RANBP2: variants seen among roughly 807,000 people sequenced by gnomAD.
RANBP2 encodes the protein RAN binding protein 2, also known as E3 SUMO-protein ligase RanBP2.
Under a neutral mutation model 303.6 loss-of-function variants are expected in RANBP2, and 57 were observed. The ratio of observed to expected loss-of-function variants is 0.19; its 90% CI spans 0.15 to 0.23. The LOEUF is 0.23. RANBP2 is among the 10% of genes least tolerant of loss of function. The probability of loss-of-function intolerance (pLI) is 1.00; values close to 1 mark genes in which losing one functional copy is unlikely to be tolerated. For missense variants in RANBP2, 3,138 were observed against 3,780.8 expected (o/e 0.83, Z 4.46); for synonymous variants, 1,167 against 1,301.5 (o/e 0.90, Z 2.23).
At chr2:109,767,300 G>T in the RANBP2 span, among the ~76,000 whole-genome samples, 1 of 149,896 alleles carries the variant, frequency 6.7e-6, no homozygotes, top group Admixed American at 6.9e-5. Context: ...GGACGGTTTT[G>T]AGTAGAGAGG....
the RANBP2 span, among the ~76,000 whole-genome samples, chr2:109,459,969 T>C: frequency 1.3e-5 from 2 of 152,196 alleles, no homozygotes; most frequent in East Asian, 3.9e-4. Context: ...TTCTGGAGAA[T>C]ATTGTCCCAG....
the RANBP2 span, among the ~76,000 whole-genome samples, chr2:109,079,067 C>T: frequency 3.3e-5 from 5 of 152,082 alleles, no homozygotes; most frequent in Non-Finnish European, 5.9e-5. Flanking sequence ...TGTATATGTA[C>T]AGTTGACCCT....
the RANBP2 span, among the ~76,000 whole-genome samples, chr2:109,360,567 GA>G: frequency 1.3e-5 from 2 of 152,260 alleles, no homozygotes; most frequent in South Asian, 4.1e-4. Context: ...TCCAAAATCT[GA>G]AAACATCTGA....
the RANBP2 span, chr2:108,910,970 A>G: frequency 6.2e-7 from 1 of 1,614,174 alleles, no homozygotes; most frequent in Non-Finnish European, 8.5e-7. Context: ...CTTTGTCTTC[A>G]GGATGTAGAA....
chr2:109,297,309 C>T, the RANBP2 span, among the ~76,000 whole-genome samples: 1 of 152,146 alleles, frequency 6.6e-6, no homozygotes, highest in Non-Finnish European at 1.5e-5. Flanking sequence ...CTTCTGCTTC[C>T]ATCTTCGATG....
At chr2:109,269,165 G>C in the RANBP2 span, among the ~76,000 whole-genome samples, 4 of 152,242 alleles carry the variant, frequency 2.6e-5, no homozygotes, top group African/African-American at 9.6e-5. Context: ...TTCCCTGGGG[G>C]AGAGGGACCA....
At chr2:108,721,294 A>G (rs1374893713) in intron 1 of RANBP2, among the ~76,000 whole-genome samples, 7 of 152,204 alleles carry the variant, frequency 4.6e-5, no homozygotes, top group Admixed American at 2.0e-4. Context: ...GTTACAGTCT[A>G]TTCCTCCAGA....
chr2:109,676,310 G>A, the RANBP2 span, among the ~76,000 whole-genome samples: 1 of 152,190 alleles, frequency 6.6e-6, no homozygotes, highest in African/African-American at 2.4e-5. Context: ...CTTTCCCAGT[G>A]CCCGCCTCCA....
chr2:109,374,834 A>G, the RANBP2 span, among the ~76,000 whole-genome samples: 1 of 152,114 alleles, frequency 6.6e-6, no homozygotes. Flanking sequence ...GCCTGGCCTC[A>G]CCTGGCCTCA....
chr2:109,316,420 C>T, the RANBP2 span, among the ~76,000 whole-genome samples: 1 of 152,210 alleles, frequency 6.6e-6, no homozygotes, highest in South Asian at 2.1e-4. Flanking sequence ...CTGTCTATCA[C>T]AGGAGGAACA....
the RANBP2 span, among the ~76,000 whole-genome samples, chr2:109,039,168 C>CA: frequency 1.3e-5 from 2 of 152,220 alleles, no homozygotes; most frequent in Non-Finnish European, 2.9e-5. Context: ...AGCCTCTAGA[C>CA]AGACTTTGGA....
At chr2:109,352,368 T>A in the RANBP2 span, among the ~76,000 whole-genome samples, 1 of 152,180 alleles carries the variant, frequency 6.6e-6, no homozygotes, top group African/African-American at 2.4e-5. Flanking sequence ...GCTTTTACTT[T>A]CCTGGTGGCT....
At chr2:108,910,442 CT>C in the RANBP2 span, 1 of 1,608,176 alleles carries the variant, frequency 6.2e-7, no homozygotes, top group South Asian at 1.1e-5. Flanking sequence ...CAGCTTGGTG[CT>C]GGGGGCTTCC....
the RANBP2 span, among the ~76,000 whole-genome samples, chr2:108,912,257 G>C: frequency 6.6e-6 from 1 of 152,202 alleles, no homozygotes; most frequent in Non-Finnish European, 1.5e-5. Context: ...TTCTTCCCTG[G>C]TTAGGGAGAA....
chr2:109,158,659 A>G, the RANBP2 span, among the ~76,000 whole-genome samples: 1 of 152,210 alleles, frequency 6.6e-6, no homozygotes, highest in African/African-American at 2.4e-5. Context: ...GAGCATCCCT[A>G]TTTCTTCTGA....
chr2:109,303,071 T>C, the RANBP2 span, among the ~76,000 whole-genome samples: 2 of 152,144 alleles, frequency 1.3e-5, no homozygotes, highest in African/African-American at 4.8e-5. Context: ...AGGCGGGGTT[T>C]CATCATGCTG....
the RANBP2 span, among the ~76,000 whole-genome samples, chr2:109,707,830 A>G: frequency 6.6e-6 from 1 of 152,196 alleles, no homozygotes; most frequent in East Asian, 1.9e-4. Flanking sequence ...ATAAATACCT[A>G]AATGTTTAGA....
chr2:109,519,843 T>G, the RANBP2 span, among the ~76,000 whole-genome samples: 1 of 152,028 alleles, frequency 6.6e-6, no homozygotes, highest in Admixed American at 6.6e-5. Context: ...ATGATAGAGA[T>G]GGAGAACAGG....
chr2:109,516,519 G>A, the RANBP2 span, among the ~76,000 whole-genome samples: 48 of 152,346 alleles, frequency 3.2e-4, no homozygotes, highest in African/African-American at 1.0e-3. Context: ...CAGAGAGCCC[G>A]CCCTTCCTCA....
Sources: gnomAD v4.1 joint callset for allele counts (sites outside exome capture counted in the v4.1 genomes callset) on GRCh38, gnomAD v4.1.1 for gene constraint, MANE v1.5 for transcripts, NCBI Gene and HGNC (gene_info 2026-07-23, HGNC 2026-07-21) for gene names.